TBKBP1: variants seen among roughly 807,000 people sequenced by gnomAD.
The protein encoded by TBKBP1 is TANK-binding kinase 1-binding protein 1.
In TBKBP1, 47 loss-of-function variants were observed where a neutral mutation model predicts 69.9. The ratio of observed to expected loss-of-function variants is 0.67; its 90% CI spans 0.53 to 0.86. TBKBP1 has a LOEUF of 0.86. Among genes scored for constraint, TBKBP1 ranks in the 40% least tolerant of loss-of-function variants. The probability of loss-of-function intolerance (pLI) is 0.00; values close to 1 mark genes in which losing one functional copy is unlikely to be tolerated. For synonymous variants in TBKBP1, 418 were observed against 390.3 expected (o/e 1.07, Z -0.84); for missense variants, 831 against 858.6 (o/e 0.97, Z 0.40).
chr17:47,710,715 G>T lies in TBKBP1; in HGVS notation c.*89G>T. 27 of 1,509,710 alleles carry T rather than the reference G, an allele frequency of 1.8e-5. No individual in the cohort carries two copies. The highest frequency in any genetic ancestry group is 2.4e-5 in the Non-Finnish European group (27 of 1,118,624). The allele number at this position is 1,509,710 out of a possible 1,614,324, so 93.5% of individuals were successfully genotyped here. ...GAATGCTGCATGAATCTCGTGGGGG[G>T]TCCCTGCCCTTGCGACCCCCAGATA... On this transcript the variant is annotated 3_prime_UTR_variant, in exon 10 of 10. Coordinates refer to ENST00000578982, the MANE Select transcript of TBKBP1 (RefSeq NM_001394755.1).
rs201829422 is a variant in TBKBP1 at position 47,710,584 on chromosome 17, C to T, written c.1806C>T (p.Leu602=). 6.8e-6 allele frequency: 11 copies of T among 1,612,010 alleles called. No homozygotes were observed. The highest frequency in any genetic ancestry group is 1.1e-5 in the South Asian group (1 of 91,050). The stretch of plus-strand genomic sequence containing the variant: ...CTGTCGGGTACCCGGATGATGCCCT[C>T]ATCAAACACATTGACTCCCACCTGG... The part of the protein sequence containing the change: ...GFPVGYPDDA[L]IKHIDSHLEN... Residue 602 remains leucine (L), a synonymous_variant, in exon 10 of 10, where the codon CTC becomes CTT. Coordinates refer to ENST00000578982, the MANE Select transcript of TBKBP1 (RefSeq NM_001394755.1).
intron 7 of TBKBP1, among the ~76,000 whole-genome samples, chr17:47,700,474 T>TA (rs1172580626): frequency 6.6e-6 from 1 of 151,702 alleles, no homozygotes; most frequent in Non-Finnish European, 1.5e-5. Context: ...AAGTGACACT[T>TA]ACTCGGCTGC....
At chr17:47,707,803 A>G (rs1597967815) in intron 7 of TBKBP1, among the ~76,000 whole-genome samples, 1 of 151,950 alleles carries the variant, frequency 6.6e-6, no homozygotes, top group African/African-American at 2.4e-5. Flanking sequence ...ATCAGTTAGC[A>G]CCTCCACCAG....
intron 4 of TBKBP1, 26 bp from the exon 5 acceptor site, chr17:47,698,569 A>G (rs878862506): frequency 1.9e-6 from 3 of 1,556,936 alleles, no homozygotes; most frequent in East Asian, 2.4e-5. Context: ...GCCTGTGCAG[A>G]CCCTCCCCTC....
intron 7 of TBKBP1, among the ~76,000 whole-genome samples, chr17:47,700,289 CTTTTTTTTTTTTTTT>C (rs774797034): frequency 4.8e-5 from 2 of 41,476 alleles, no homozygotes; most frequent in South Asian, 8.8e-4. Flanking sequence ...GCGCCCGGAC[CTTTTTTTTTTTTTTT>C]TTTTTTTTTT....
intron 7 of TBKBP1, among the ~76,000 whole-genome samples, chr17:47,703,634 G>A (rs2031597180): frequency 6.6e-6 from 1 of 152,002 alleles, no homozygotes; most frequent in Non-Finnish European, 1.5e-5. Context: ...GATGGGAAAC[G>A]CCCATCTTCC....
intron 3 of TBKBP1, 107 bp from the exon 4 acceptor site, chr17:47,696,982 C>T (rs2031273643): frequency 1.3e-6 from 2 of 1,505,218 alleles, no homozygotes; most frequent in Non-Finnish European, 9.0e-7. Context: ...CTCCTCCTGC[C>T]CCTCCATAGG....
At chr17:47,703,534 T>C (rs558125265) in intron 7 of TBKBP1, among the ~76,000 whole-genome samples, 2 of 152,294 alleles carry the variant, frequency 1.3e-5, no homozygotes, top group East Asian at 3.9e-4. Flanking sequence ...GCTAGGTGGG[T>C]CTGAGGGATG....
In TBKBP1 at chr17:47,710,784, TC is replaced by T; in HGVS notation, c.*160del. On this transcript the variant is annotated 3_prime_UTR_variant, in exon 10 of 10. Transcript: ENST00000578982. Reference sequence around the variant, plus strand: ...TCAACGTGTGTGCCATCTTCCCTGGTCCAGGCACCACTCAGCTCTGGCTCTT... The same window carrying T: ...TCAACGTGTGTGCCATCTTCCCTGGTCAGGCACCACTCAGCTCTGGCTCTT... The T allele has an allele frequency of 9.3e-7, 1 of 1,080,374 alleles. No individual in the cohort carries two copies. The highest frequency in any genetic ancestry group is 1.3e-6 in the Non-Finnish European group (1 of 758,924). The allele number at this position is 1,080,374 out of a possible 1,614,324, so 66.9% of individuals were successfully genotyped here. A position where few individuals can be genotyped will look rare whatever the true frequency, so the allele number is the denominator to read the frequency against.
intron 7 of TBKBP1, among the ~76,000 whole-genome samples, chr17:47,705,231 C>T (rs1394657838): frequency 1.3e-5 from 2 of 152,182 alleles, no homozygotes; most frequent in Non-Finnish European, 2.9e-5. Flanking sequence ...GTAGCCTGGA[C>T]TTTGGAGTCT....
chr17:47,699,432 G>A lies in TBKBP1; in HGVS notation c.747G>A (p.Gln249=), dbSNP rs759602434. 9.5e-6 allele frequency: 15 copies of A among 1,571,200 alleles called. No homozygotes were observed. In the South Asian group the frequency reaches 1.7e-4, roughly 18 times the overall value. The change falls in exon 6 of 10, where the codon CAG becomes CAA. Residue 249 remains glutamine (Q), a synonymous_variant. Coordinates refer to ENST00000578982, the MANE Select transcript of TBKBP1 (RefSeq NM_001394755.1). ...EARGAQLREE[Q]LQAECERLQG... is the part of the protein sequence containing the mutation. ...GGGGGGCTCAGCTCCGGGAGGAGCA[G>A]CTCCAGGCCGAGTGCGAGCGGCTGC...
chr17:47,703,068 G>A (rs1228051966), intron 7 of TBKBP1, among the ~76,000 whole-genome samples: 1 of 152,042 alleles, frequency 6.6e-6, no homozygotes, highest in African/African-American at 2.4e-5. Flanking sequence ...GTAAGGGAGG[G>A]TGGGCTCATC....
chr17:47,695,943 G>C, intron 1 of TBKBP1, 136 bp from the exon 2 acceptor site: 1 of 594,206 alleles, frequency 1.7e-6, no homozygotes, highest in Non-Finnish European at 3.0e-6. Flanking sequence ...GGCCATGGGA[G>C]TCCCTGCTGA....
intron 7 of TBKBP1, among the ~76,000 whole-genome samples, chr17:47,700,205 G>A (rs2031439008): frequency 1.3e-5 from 2 of 150,448 alleles, no homozygotes; most frequent in African/African-American, 4.9e-5. Flanking sequence ...TAGCCAGGAT[G>A]GTCTCGATCT....
rs1385991255 is a variant in TBKBP1 at position 47,711,523 on chromosome 17, T to A, written c.*897T>A. 4.6e-5 allele frequency: 7 copies of A among 152,600 alleles called. No individual in the cohort carries two copies. Among genetic ancestry groups the A allele is most frequent in the African/African-American group, 1.7e-4 (7 of 41,426 alleles). 9.5% of individuals were successfully genotyped at this position (152,600 alleles called of 1,614,324 possible). A position where few individuals can be genotyped will look rare whatever the true frequency, so the allele number is the denominator to read the frequency against. On this transcript the variant is annotated 3_prime_UTR_variant, in exon 10 of 10. Transcript: ENST00000578982. ...GCCTCTGTTAGCTGGGTGGGTGTCA[T>A]CAGCCCCTGCCTCCCAGGCCAGAAC...
intron 4 of TBKBP1, among the ~76,000 whole-genome samples, chr17:47,698,155 G>A (rs2031326557): frequency 6.6e-6 from 1 of 152,054 alleles, no homozygotes; most frequent in Non-Finnish European, 1.5e-5. Context: ...GTGGCACTCG[G>A]GGTGTGCCAG....
rs1416948166 is a variant in TBKBP1, at chr17:47,709,022, C to G, written c.1289C>G (p.Pro430Arg). The G allele has an allele frequency of 8.2e-7, 1 of 1,212,554 alleles. No homozygotes were observed. Among genetic ancestry groups the G allele is most frequent in the African/African-American group, 1.6e-5 (1 of 61,032 alleles). The allele number at this position is 1,212,554 out of a possible 1,614,324, so 75.1% of individuals were successfully genotyped here. ...CCGGCCCCGCAGCCCCGGCCACCGC[C>G]GCCGCCCCCGCCGGGCGAGAGGACG... is the stretch of plus-strand genomic sequence containing the variant. ...SCPAPQPRPP[P>R]PPPPGERTLA... Residue 430 changes from proline (P) to arginine (R), a missense_variant, in exon 9 of 10, where the codon CCG (proline) becomes CGG (arginine). Coordinates refer to ENST00000578982, the MANE Select transcript of TBKBP1 (RefSeq NM_001394755.1).
Position 47,708,822 on chromosome 17 carries a change from C to A in TBKBP1, c.1089C>A (p.Cys363Ter). The part of the protein sequence containing the change: ...PARAAPPCPP[C>*]QSPVPQRRSP... ...GAGCGGCTCCCCCGTGCCCCCCGTGCCAGTCCCCCGTCCCCCAGCGCCGCT... is the reference window on the plus strand; with the variant it reads ...GAGCGGCTCCCCCGTGCCCCCCGTGACAGTCCCCCGTCCCCCAGCGCCGCT... Residue 363 changes from cysteine (C) to a stop codon, truncating the protein, a stop_gained, in exon 9 of 10, where the codon TGC becomes TGA. Coordinates refer to ENST00000578982, the MANE Select transcript of TBKBP1 (RefSeq NM_001394755.1). LOFTEE classifies it high-confidence loss of function. This position sits in a 1 kb window ranked among gnomAD's most constrained non-coding sequence, Gnocchi z 4.4. 8.7e-7 allele frequency: 1 copy of A among 1,149,918 alleles called. No individual in the cohort carries two copies. The highest frequency in any genetic ancestry group is 1.2e-6 in the Non-Finnish European group (1 of 840,316). The allele number at this position is 1,149,918 out of a possible 1,614,324, so 71.2% of individuals were successfully genotyped here.
chr17:47,700,666 G>A (rs996364610), intron 7 of TBKBP1, among the ~76,000 whole-genome samples: 2 of 152,234 alleles, frequency 1.3e-5, no homozygotes, highest in Admixed American at 1.3e-4. Flanking sequence ...GGAGAGAGAA[G>A]CCTGAGGCTT....
Sources: allele counts gnomAD v4.1 joint callset (sites outside exome capture counted in the v4.1 genomes callset), GRCh38; gene constraint gnomAD v4.1.1; non-coding constraint Gnocchi (gnomAD v3.1); transcripts MANE v1.5; gene names NCBI Gene and HGNC (gene_info 2026-07-23, HGNC 2026-07-21).